Variants in ERGIC1 observed in about 807,000 individuals in gnomAD.
ERGIC1 encodes endoplasmic reticulum-golgi intermediate compartment 1.
ERGIC1 carries 19 observed loss-of-function variants against 38.3 expected under a neutral mutation model. The observed-to-expected ratio is 0.50, with a 90% CI of 0.35 to 0.73. The LOEUF (loss-of-function observed/expected upper bound fraction) is 0.73. Ranked by LOEUF, ERGIC1 falls within the 30% of genes least tolerant of loss-of-function variation. ERGIC1 has a pLI of 0.01. For synonymous variants in ERGIC1, 124 were observed against 157.6 expected, an observed-to-expected ratio of 0.79 and a Z score of 1.60; for missense variants, 294 against 389.2, an observed-to-expected ratio of 0.76 and a Z score of 2.06.
chr5:172,862,885 G>A (rs916293156), intron 1 of ERGIC1, among the ~76,000 whole-genome samples: 1 of 152,206 alleles, frequency 6.6e-6, no homozygotes, highest in African/African-American at 2.4e-5. Context: ...TGAGTCCAAG[G>A]TACCTGTGAA....
chr5:172,875,120 T>A (rs1200500786), intron 1 of ERGIC1, among the ~76,000 whole-genome samples: 4 of 152,204 alleles, frequency 2.6e-5, no homozygotes, highest in Non-Finnish European at 4.4e-5. Context: ...CCATACCTCC[T>A]CTGCTTTTTC....
At chr5:172,931,569 T>C (rs1466723712) in intron 7 of ERGIC1, among the ~76,000 whole-genome samples, 1 of 152,258 alleles carries the variant, frequency 6.6e-6, no homozygotes, top group East Asian at 1.9e-4. Context: ...TTTTTCTGGT[T>C]GATAGGCTCT....
chr5:172,855,992 C>G (rs1761539860), intron 1 of ERGIC1, among the ~76,000 whole-genome samples: 1 of 152,220 alleles, frequency 6.6e-6, no homozygotes, highest in South Asian at 2.1e-4. Context: ...AAATGTCGAC[C>G]TTTAGTTCAT....
chr5:172,936,552 T>C (rs924332192), intron 9 of ERGIC1: 1 of 152,058 alleles, frequency 6.6e-6, no homozygotes, highest in African/African-American at 2.4e-5. Context: ...GAGGAAAGAG[T>C]GGGTGCCAGG....
intron 8 of ERGIC1, 100 bp from the exon 9 acceptor site, chr5:172,935,088 A>C: frequency 6.4e-7 from 1 of 1,559,290 alleles, no homozygotes; most frequent in Non-Finnish European, 8.8e-7. Context: ...AGAGGGAGGA[A>C]AGCCCTTTCT....
intron 9 of ERGIC1, among the ~76,000 whole-genome samples, chr5:172,938,532 A>C (rs1459638104): frequency 6.7e-6 from 1 of 148,580 alleles, no homozygotes; most frequent in African/African-American, 2.5e-5. Flanking sequence ...GCGGGGGATC[A>C]CTTGAGGTCA....
intron 1 of ERGIC1, among the ~76,000 whole-genome samples, chr5:172,861,495 C>T (rs757600018): frequency 6.6e-6 from 1 of 152,332 alleles, no homozygotes; most frequent in East Asian, 1.9e-4. Context: ...ATCAATGGAG[C>T]CTGGCACTTG....
At chr5:172,918,999 T>G (rs1044340043) in intron 5 of ERGIC1, among the ~76,000 whole-genome samples, 1 of 152,062 alleles carries the variant, frequency 6.6e-6, no homozygotes, top group African/African-American at 2.4e-5. Context: ...GCCTCTCCCT[T>G]TGACCACTCC....
intron 2 of ERGIC1, among the ~76,000 whole-genome samples, chr5:172,896,686 T>C (rs1762730611): frequency 6.6e-6 from 1 of 152,250 alleles, no homozygotes. Flanking sequence ...AGAACACATT[T>C]GTGGGCCACC....
rs1763646742 is a variant in ERGIC1, at chr5:172,926,196, G to T, written c.481-313G>T. Among the ~76,000 whole-genome samples, 1 of 152,182 alleles carries T rather than the reference G, an allele frequency of 6.6e-6. No homozygotes were observed. Among genetic ancestry groups the T allele is most frequent in the Non-Finnish European group, 1.5e-5 (1 of 68,034 alleles). On this transcript the variant is annotated intron_variant, in intron 6 of 9. Transcript: ENST00000393784. The surrounding 1 kb of genome is among the most constrained non-coding windows in gnomAD (Gnocchi z 5.2). ...CCACTTACCAGCCGGGCAAGTTTTG[G>T]TGTCTTTCCAAGCCTTGATTTGCTC...
intron 9 of ERGIC1, among the ~76,000 whole-genome samples, chr5:172,939,955 T>C (rs532881784): frequency 6.6e-6 from 1 of 152,352 alleles, no homozygotes; most frequent in Non-Finnish European, 1.5e-5. Flanking sequence ...CTGTGGCTTC[T>C]CTTTCTCTCT....
intron 9 of ERGIC1, among the ~76,000 whole-genome samples, chr5:172,942,221 A>G (rs771352680): frequency 1.2e-4 from 18 of 152,274 alleles, no homozygotes; most frequent in Admixed American, 2.6e-4. Flanking sequence ...AAAAATAAAA[A>G]AAAGAATTGA....
intron 3 of ERGIC1, chr5:172,905,616 G>A (rs938931248): frequency 5.7e-6 from 2 of 348,376 alleles, no homozygotes; most frequent in Non-Finnish European, 1.2e-5. Flanking sequence ...GATCAGGAGC[G>A]GCAATGGGAG....
chr5:172,934,096 A>G (rs771334030), intron 8 of ERGIC1: 3 of 152,220 alleles, frequency 2.0e-5, no homozygotes, highest in Non-Finnish European at 4.4e-5. Context: ...CAGCAGCCAA[A>G]TACAGCTTGC....
intron 9 of ERGIC1, among the ~76,000 whole-genome samples, chr5:172,941,988 C>T (rs1764020330): frequency 6.6e-6 from 1 of 152,116 alleles, no homozygotes; most frequent in Admixed American, 6.5e-5. Flanking sequence ...GGGCGGATCA[C>T]AAGGTCAGGA....
chr5:172,836,700 G>A (rs2113499802), intron 1 of ERGIC1, among the ~76,000 whole-genome samples: 1 of 152,320 alleles, frequency 6.6e-6, no homozygotes, highest in Non-Finnish European at 1.5e-5. Context: ...CCGTGAGGAG[G>A]TGGGTGGCAT....
chr5:172,911,258 G>A (rs771301179), intron 4 of ERGIC1, among the ~76,000 whole-genome samples: 17 of 152,234 alleles, frequency 1.1e-4, no homozygotes, highest in Non-Finnish European at 1.9e-4. Flanking sequence ...CCCCAAGCCA[G>A]GGAACCTGTT....
intron 9 of ERGIC1, among the ~76,000 whole-genome samples, chr5:172,943,750 G>A (rs978435879): frequency 2.6e-5 from 4 of 152,302 alleles, no homozygotes; most frequent in Admixed American, 1.3e-4. Context: ...CGCCTCCCAC[G>A]GCGGTGTGTA....
intron 9 of ERGIC1, among the ~76,000 whole-genome samples, chr5:172,942,018 T>A (rs185064629): frequency 5.9e-5 from 9 of 152,078 alleles, no homozygotes; most frequent in African/African-American, 1.9e-4. Context: ...CAGCCTAACA[T>A]GGTGAAACCC....
Sources: allele counts gnomAD v4.1 joint callset (sites outside exome capture counted in the v4.1 genomes callset), GRCh38; gene constraint gnomAD v4.1.1; non-coding constraint Gnocchi (gnomAD v3.1); transcripts MANE v1.5; gene names NCBI Gene and HGNC (gene_info 2026-07-23, HGNC 2026-07-21).